RIMS1: variants seen among roughly 807,000 people sequenced by gnomAD.
The protein encoded by RIMS1 is regulating synaptic membrane exocytosis 1.
A neutral mutation model predicts 214.1 loss-of-function variants in RIMS1; 83 were observed. The ratio of observed to expected loss-of-function variants is 0.39; its 90% CI spans 0.32 to 0.47. The LOEUF is 0.47. Among genes scored for constraint, RIMS1 ranks in the 20% least tolerant of loss-of-function variants. The probability of loss-of-function intolerance (pLI) is 0.99; values close to 1 mark genes in which losing one functional copy is unlikely to be tolerated. For missense variants in RIMS1, 2,050 were observed against 2,161.8 expected (o/e 0.95, Z 1.03); for synonymous variants, 793 against 786.8 (o/e 1.01, Z -0.13).
intron 1 of RIMS1, among the ~76,000 whole-genome samples, chr6:71,954,218 A>AT (rs1157518796): frequency 2.0e-5 from 3 of 152,226 alleles, no homozygotes; most frequent in African/African-American, 7.2e-5. Context: ...TCTACAGAGA[A>AT]TGTAGATAAA....
chr6:71,963,324 T>C (rs1287846438), intron 1 of RIMS1, among the ~76,000 whole-genome samples: 2 of 152,186 alleles, frequency 1.3e-5, no homozygotes, highest in Non-Finnish European at 2.9e-5. Flanking sequence ...CTTAGATCCA[T>C]ACTTTCTTCA....
At chr6:72,015,579 A>C (rs1812432656) in intron 2 of RIMS1, among the ~76,000 whole-genome samples, 2 of 152,116 alleles carry the variant, frequency 1.3e-5, no homozygotes, top group Admixed American at 1.3e-4. Context: ...TTTTAACAGA[A>C]GTGGTAAGAG....
intron 6 of RIMS1, chr6:72,213,157 G>A: frequency 1.3e-6 from 2 of 1,536,930 alleles, no homozygotes; most frequent in African/African-American, 1.4e-5. Context: ...TCTTCAGAAG[G>A]GTGGGAAGAA....
chr6:72,219,528 T>C (rs1256393135), intron 6 of RIMS1, among the ~76,000 whole-genome samples: 1 of 152,130 alleles, frequency 6.6e-6, no homozygotes, highest in African/African-American at 2.4e-5. Flanking sequence ...TAAATTCTTA[T>C]GATGAACTGT....
intron 2 of RIMS1, among the ~76,000 whole-genome samples, chr6:72,095,134 T>TG (rs1369205175): frequency 6.8e-6 from 1 of 146,552 alleles, no homozygotes; most frequent in Non-Finnish European, 1.5e-5. Context: ...TTTTTTTTTT[T>TG]TTGTATTTTT....
intron 1 of RIMS1, among the ~76,000 whole-genome samples, chr6:71,933,077 A>G (rs950878305): frequency 5.9e-5 from 9 of 152,198 alleles, no homozygotes; most frequent in Non-Finnish European, 8.8e-5. Flanking sequence ...TCAAAGGCAT[A>G]TCATCAGTGC....
intron 15 of RIMS1, among the ~76,000 whole-genome samples, chr6:72,252,117 T>C (rs2073662012): frequency 6.6e-6 from 1 of 152,200 alleles, no homozygotes; most frequent in East Asian, 1.9e-4. Flanking sequence ...TATTTTTTTC[T>C]GTACTTATTG....
intron 6 of RIMS1, among the ~76,000 whole-genome samples, chr6:72,214,951 A>G (rs1196522485): frequency 6.6e-6 from 1 of 151,952 alleles, no homozygotes; most frequent in Non-Finnish European, 1.5e-5. Context: ...CAAACTCCTG[A>G]CCTCCGGTGA....
intron 4 of RIMS1, among the ~76,000 whole-genome samples, chr6:72,171,717 T>G (rs55754698): frequency 0.075 from 11,382 of 152,118 alleles, 642 homozygotes; most frequent in East Asian, 0.29. Flanking sequence ...CCTAGGCAGT[T>G]TAACTCTAGA....
chr6:71,887,301 G>T (rs1406446861), intron 1 of RIMS1, 114 bp downstream of exon 1: 1 of 1,410,564 alleles, frequency 7.1e-7, no homozygotes, highest in African/African-American at 1.4e-5. Context: ...AGGGTGCTGG[G>T]TGCGGACGGA....
intron 15 of RIMS1, among the ~76,000 whole-genome samples, chr6:72,251,661 T>C (rs2073383280): frequency 6.6e-6 from 1 of 152,152 alleles, no homozygotes; most frequent in South Asian, 2.1e-4. Context: ...ATTTCTGTCA[T>C]CACTGGTGAG....
intron 2 of RIMS1, among the ~76,000 whole-genome samples, chr6:72,038,349 T>G (rs546784162): frequency 4.6e-5 from 7 of 151,680 alleles, no homozygotes; most frequent in Non-Finnish European, 8.8e-5. Context: ...TTGTAAACAC[T>G]GTCATATCAA....
chr6:72,264,185 A>T (rs1285957156), intron 19 of RIMS1, among the ~76,000 whole-genome samples: 2 of 152,106 alleles, frequency 1.3e-5, no homozygotes, highest in Non-Finnish European at 2.9e-5. Context: ...TAGATGATGG[A>T]TTTTCATAAT....
chr6:72,343,492 C>CTTTTTT (rs764125827), intron 29 of RIMS1, among the ~76,000 whole-genome samples: 804 of 57,202 alleles, frequency 0.014, 2 homozygotes, highest in Middle Eastern at 0.033. Context: ...TCTTCTTCTT[C>CTTTTTT]TTTTTTTTTT....
intron 2 of RIMS1, among the ~76,000 whole-genome samples, chr6:72,040,219 T>C (rs1821051306): frequency 6.6e-6 from 1 of 152,098 alleles, no homozygotes; most frequent in Admixed American, 6.6e-5. Flanking sequence ...TTTGTATTCT[T>C]ATGTCCCATT....
rs1310935966 is a variant in RIMS1 at position 72,161,982 on chromosome 6, G to T, written c.472-17593G>T. 1.4e-5 allele frequency among the ~76,000 whole-genome samples: 2 copies of T among 140,682 alleles called. 1 individual carries two copies. Among genetic ancestry groups the T allele is most frequent in the Non-Finnish European group, 3.2e-5 (2 of 61,964 alleles). The allele number at this position is 140,682 out of a possible 152,430, so 92.3% of individuals were successfully genotyped here. On this transcript the variant is annotated intron_variant, in intron 4 of 33. Coordinates refer to ENST00000521978, the MANE Select transcript of RIMS1 (RefSeq NM_014989.7). ...CTTGTTGACCTGTCAATTGTTGATA[G>T]TGGGGTGTTAAATCTCCCATTATTA...
At chr6:72,271,216 A>G (rs1358446147) in intron 22 of RIMS1, among the ~76,000 whole-genome samples, 9 of 149,098 alleles carry the variant, frequency 6.0e-5, no homozygotes, top group East Asian at 2.0e-4. Context: ...CAGTGAGCCA[A>G]GATGGTGCCA....
At chr6:72,006,945 A>G (rs1264544901) in intron 2 of RIMS1, among the ~76,000 whole-genome samples, 1 of 152,214 alleles carries the variant, frequency 6.6e-6, no homozygotes, top group Non-Finnish European at 1.5e-5. Flanking sequence ...GCAGACTTAA[A>G]TGTCCCTGTC....
intron 33 of RIMS1, among the ~76,000 whole-genome samples, chr6:72,399,585 G>A (rs1416816576): frequency 2.0e-5 from 3 of 152,118 alleles, no homozygotes; most frequent in African/African-American, 7.2e-5. Context: ...GAGCCCTGGT[G>A]GAGTACCAGA....
Sources: gnomAD v4.1 joint callset for allele counts (sites outside exome capture counted in the v4.1 genomes callset) on GRCh38, gnomAD v4.1.1 for gene constraint, MANE v1.5 for transcripts, NCBI Gene and HGNC (gene_info 2026-07-23, HGNC 2026-07-21) for gene names.